The following NRG2 variants were observed in gnomAD, a reference collection of about 807,000 sequenced individuals.
NRG2 encodes pro-neuregulin-2, membrane-bound isoform.
Under a neutral mutation model 73.9 loss-of-function variants are expected in NRG2, and 27 were observed. The ratio of observed to expected loss-of-function variants is 0.37; its 90% CI spans 0.27 to 0.50. NRG2 has a LOEUF of 0.50. NRG2 is among the 20% of genes least tolerant of loss of function. NRG2 has a pLI of 0.96. For missense variants in NRG2, 1,126 were observed against 1,210.1 expected (o/e 0.93, Z 1.03); for synonymous variants, 532 against 541.0 (o/e 0.98, Z 0.23).
intron 1 of NRG2, among the ~76,000 whole-genome samples, chr5:139,933,470 TA>T (rs1368571404): frequency 7.9e-5 from 12 of 152,030 alleles, no homozygotes; most frequent in Non-Finnish European, 1.6e-4. Flanking sequence ...CAAGACAAAA[TA>T]GGCTTCAAGA....
chr5:140,041,788 C>CAGAAAAA (rs1167619174), intron 1 of NRG2, among the ~76,000 whole-genome samples: 1 of 151,652 alleles, frequency 6.6e-6, no homozygotes, highest in East Asian at 1.9e-4. Flanking sequence ...GGACGGAAAA[C>CAGAAAAA]AGTAGCAGAA....
chr5:139,992,884 T>C (rs543986677), intron 1 of NRG2, among the ~76,000 whole-genome samples: 10 of 152,196 alleles, frequency 6.6e-5, no homozygotes, highest in Non-Finnish European at 1.5e-4. Context: ...CATAGTTCGC[T>C]CACCCAGCCA....
At chr5:139,945,284 C>G (rs1462720774) in intron 1 of NRG2, among the ~76,000 whole-genome samples, 1 of 151,910 alleles carries the variant, frequency 6.6e-6, no homozygotes, top group Non-Finnish European at 1.5e-5. Context: ...TTTATTTTTG[C>G]TTTTGTCGCC....
chr5:140,029,683 G>A (rs1760978975), intron 1 of NRG2, among the ~76,000 whole-genome samples: 1 of 74,748 alleles, frequency 1.3e-5, no homozygotes. Context: ...GCAAGACTCT[G>A]TCTCAAAAAA....
chr5:139,860,394 G>A (rs1460422322), intron 5 of NRG2, among the ~76,000 whole-genome samples: 1 of 151,320 alleles, frequency 6.6e-6, no homozygotes, highest in South Asian at 2.1e-4. Flanking sequence ...TGTTCAGAGT[G>A]CAGGCATGAG....
At chr5:139,959,182 T>TTTTG (rs71574472) in intron 1 of NRG2, among the ~76,000 whole-genome samples, 9 of 151,792 alleles carry the variant, frequency 5.9e-5, no homozygotes, top group Non-Finnish European at 8.8e-5. Context: ...CTTCCTTGTG[T>TTTTG]TTTGTTTGTT....
chr5:140,039,691 C>T (rs1761771106), intron 1 of NRG2, among the ~76,000 whole-genome samples: 1 of 152,026 alleles, frequency 6.6e-6, no homozygotes. Context: ...ATTTTGCCCC[C>T]CTCCAAAAAA....
intron 9 of NRG2, 82 bp from the exon 10 acceptor site, chr5:139,848,779 G>GGGGGGT: frequency 4.0e-5 from 8 of 198,590 alleles, no homozygotes; most frequent in South Asian, 5.1e-5. Context: ...GGTAGGGTGG[G>GGGGGGT]AGGGGCGGAC....
At chr5:139,926,663 T>C (rs1415526600) in intron 1 of NRG2, among the ~76,000 whole-genome samples, 3 of 152,136 alleles carry the variant, frequency 2.0e-5, no homozygotes, top group Non-Finnish European at 4.4e-5. Context: ...AGGCTAGAAG[T>C]GTTCAGCCTC....
chr5:139,940,101 G>A (rs1753275562), intron 1 of NRG2, among the ~76,000 whole-genome samples: 1 of 152,184 alleles, frequency 6.6e-6, no homozygotes, highest in Non-Finnish European at 1.5e-5. Flanking sequence ...GCCATGCTAG[G>A]TATTCATCCA....
chr5:140,003,966 A>G (rs1350468952), intron 1 of NRG2, among the ~76,000 whole-genome samples: 3 of 152,206 alleles, frequency 2.0e-5, no homozygotes, highest in Non-Finnish European at 2.9e-5. Context: ...AGCCACCATT[A>G]TCTCTTGCCT....
At chr5:139,959,742 A>G (rs565482734) in intron 1 of NRG2, among the ~76,000 whole-genome samples, 1 of 151,986 alleles carries the variant, frequency 6.6e-6, no homozygotes, top group African/African-American at 2.4e-5. Flanking sequence ...CAAACACCTG[A>G]CCTCAGATGA....
At position 140,042,624 on chromosome 5, in the gene NRG2, G is replaced by C; in HGVS notation, c.446C>G (p.Thr149Ser). ...CCGACCCGAGGCGGGCGGCTCTCGG[G>C]TGCTGTTGGAGCTGGAGCCGCCGGC... is the stretch of plus-strand genomic sequence containing the variant. ...VPAGGSSSNS[T>S]REPPASGRVA... Residue 149 changes from threonine to serine, a missense_variant, in exon 1 of 10, where the codon ACC becomes AGC. Coordinates refer to ENST00000361474, the MANE Select transcript of NRG2 (RefSeq NM_004883.3). 1.2e-6 allele frequency: 2 copies of C among 1,607,362 alleles called. No homozygotes were observed. The highest frequency in any genetic ancestry group is 8.5e-7 in the Non-Finnish European group (1 of 1,177,888).
intron 5 of NRG2, among the ~76,000 whole-genome samples, chr5:139,864,536 A>G (rs2127047967): frequency 6.6e-6 from 1 of 151,518 alleles, no homozygotes. Flanking sequence ...CATTTCCTCA[A>G]CTTTTTAGCA....
intron 1 of NRG2, among the ~76,000 whole-genome samples, chr5:139,968,584 A>T (rs935163174): frequency 6.6e-6 from 1 of 152,190 alleles, no homozygotes. Flanking sequence ...AGGAGGAAGG[A>T]GGGCTGGGAA....
intron 1 of NRG2, among the ~76,000 whole-genome samples, chr5:140,010,295 C>CA (rs374017143): frequency 0.11 from 16,633 of 147,624 alleles, 1,201 homozygotes; most frequent in Admixed American, 0.18. Context: ...GAGACTGTCT[C>CA]AAAAAAAAAA....
intron 5 of NRG2, among the ~76,000 whole-genome samples, chr5:139,859,457 A>G (rs1424759580): frequency 6.6e-6 from 1 of 152,216 alleles, no homozygotes; most frequent in African/African-American, 2.4e-5. Context: ...AGTCAAATGG[A>G]AAGGGATGCC....
intron 6 of NRG2, among the ~76,000 whole-genome samples, chr5:139,854,338 A>G (rs1393598415): frequency 2.6e-5 from 4 of 152,210 alleles, no homozygotes; most frequent in Non-Finnish European, 5.9e-5. Flanking sequence ...CTGCTTCCTC[A>G]GGGAAACCCT....
At chr5:139,962,384 C>G (rs940990994) in intron 1 of NRG2, among the ~76,000 whole-genome samples, 4 of 152,148 alleles carry the variant, frequency 2.6e-5, no homozygotes, top group African/African-American at 9.7e-5. Flanking sequence ...TCAAAACTAT[C>G]GGGACAGAAC....
Sources: allele counts gnomAD v4.1 joint callset (sites outside exome capture counted in the v4.1 genomes callset), GRCh38; gene constraint gnomAD v4.1.1; transcripts MANE v1.5; gene names NCBI Gene and HGNC (gene_info 2026-07-23, HGNC 2026-07-21).